Variants in SPIDR observed in about 807,000 individuals in gnomAD.
The protein encoded by SPIDR is scaffold protein involved in DNA repair.
In SPIDR, 93 loss-of-function variants were observed where a neutral mutation model predicts 104.6. That is an observed-to-expected ratio of 0.89 (90% CI 0.75 to 1.06). The LOEUF (loss-of-function observed/expected upper bound fraction) is 1.06. SPIDR is among the 50% of genes least tolerant of loss of function. The pLI, the probability that SPIDR is intolerant of heterozygous loss-of-function variation, is 0.00. For synonymous variants in SPIDR, 431 were observed against 416.9 expected, an observed-to-expected ratio of 1.03 and a Z score of -0.41; for missense variants, 1,154 against 1,111.2, an observed-to-expected ratio of 1.04 and a Z score of -0.55.
intron 5 of SPIDR, among the ~76,000 whole-genome samples, chr8:47,394,326 A>C (rs1224995875): frequency 6.6e-6 from 1 of 152,052 alleles, no homozygotes; most frequent in Non-Finnish European, 1.5e-5. Flanking sequence ...GTGTTTCATA[A>C]CTATCTGGGT....
At chr8:47,658,656 C>A (rs2073419519) in intron 10 of SPIDR, among the ~76,000 whole-genome samples, 1 of 151,730 alleles carries the variant, frequency 6.6e-6, no homozygotes, top group Non-Finnish European at 1.5e-5. Flanking sequence ...CTTTCTCGGC[C>A]AGACTTGGTG....
intron 10 of SPIDR, among the ~76,000 whole-genome samples, chr8:47,651,750 A>C (rs1047642934): frequency 2.0e-5 from 3 of 152,170 alleles, no homozygotes; most frequent in African/African-American, 7.2e-5. Context: ...CACTATACAC[A>C]CCATGGAATA....
At chr8:47,579,587 G>A (rs1014303420) in intron 8 of SPIDR, among the ~76,000 whole-genome samples, 5 of 152,168 alleles carry the variant, frequency 3.3e-5, no homozygotes, top group Non-Finnish European at 7.4e-5. Flanking sequence ...AATGTAGAAG[G>A]TGGCTTTCAA....
intron 8 of SPIDR, among the ~76,000 whole-genome samples, chr8:47,481,443 C>G (rs2076892898): frequency 6.6e-6 from 1 of 152,224 alleles, no homozygotes; most frequent in East Asian, 1.9e-4. Context: ...TCGAGACCAG[C>G]CTGGCCAACA....
chr8:47,350,883 T>C (rs1391249855), intron 5 of SPIDR, among the ~76,000 whole-genome samples: 1 of 152,198 alleles, frequency 6.6e-6, no homozygotes, highest in Admixed American at 6.5e-5. Flanking sequence ...AAGTATTAAA[T>C]GGAAAATTCT....
intron 5 of SPIDR, among the ~76,000 whole-genome samples, chr8:47,354,083 C>T (rs1045967604): frequency 3.3e-5 from 5 of 152,062 alleles, no homozygotes; most frequent in Admixed American, 3.3e-4. Flanking sequence ...CTAACCATAC[C>T]AGATTAGAAT....
At chr8:47,506,176 C>T (rs963551589) in intron 8 of SPIDR, among the ~76,000 whole-genome samples, 6 of 152,300 alleles carry the variant, frequency 3.9e-5, no homozygotes, top group East Asian at 3.9e-4. Context: ...TTGGCTGCTT[C>T]CTACCCACCT....
chr8:47,438,482 A>T (rs976937551), intron 7 of SPIDR, among the ~76,000 whole-genome samples: 3 of 152,138 alleles, frequency 2.0e-5, no homozygotes, highest in Admixed American at 6.5e-5. Context: ...CTTCCACATT[A>T]TCCTGATTTC....
chr8:47,414,067 T>C (rs973005899), intron 7 of SPIDR, among the ~76,000 whole-genome samples: 9 of 152,240 alleles, frequency 5.9e-5, no homozygotes, highest in African/African-American at 1.7e-4. Context: ...ACAGCACTAA[T>C]TGGTGAAGCA....
At chr8:47,572,401 T>C (rs2058624985) in intron 8 of SPIDR, among the ~76,000 whole-genome samples, 1 of 152,132 alleles carries the variant, frequency 6.6e-6, no homozygotes, top group East Asian at 1.9e-4. Flanking sequence ...CGGTGGCTCA[T>C]GCCTGTAATC....
At chr8:47,673,991 T>G in intron 11 of SPIDR, 50 bp downstream of exon 11, 2 of 1,582,170 alleles carry the variant, frequency 1.3e-6, no homozygotes, top group South Asian at 1.2e-5. Flanking sequence ...GTTGGTTCTT[T>G]TTCTTAGTCT....
chr8:47,503,273 A>T (rs1351299621), intron 8 of SPIDR, among the ~76,000 whole-genome samples: 5 of 152,164 alleles, frequency 3.3e-5, no homozygotes, highest in Non-Finnish European at 1.5e-5. Flanking sequence ...TGGGAGTCTA[A>T]GTCTCTCTGT....
At chr8:47,734,683 T>A (rs1362243558) in intron 19 of SPIDR, among the ~76,000 whole-genome samples, 1 of 152,140 alleles carries the variant, frequency 6.6e-6, no homozygotes, top group African/African-American at 2.4e-5. Context: ...TTCTGCAGCT[T>A]GATCTATAAT....
At chr8:47,582,452 T>C (rs1375638427) in intron 8 of SPIDR, among the ~76,000 whole-genome samples, 1 of 152,198 alleles carries the variant, frequency 6.6e-6, no homozygotes, top group East Asian at 1.9e-4. Context: ...TTGACAGTGC[T>C]GATAGTGATA....
chr8:47,316,656 A>G (rs2045406588), intron 5 of SPIDR, among the ~76,000 whole-genome samples: 1 of 152,216 alleles, frequency 6.6e-6, no homozygotes. Flanking sequence ...CAAAATTGAT[A>G]CATAATGGAA....
At chr8:47,513,955 G>A (rs1468281475) in intron 8 of SPIDR, among the ~76,000 whole-genome samples, 1 of 152,168 alleles carries the variant, frequency 6.6e-6, no homozygotes, top group Admixed American at 6.5e-5. Context: ...GGTGAACCAT[G>A]TGCCTTCTTG....
At chr8:47,359,309 A>C (rs2154288146) in intron 5 of SPIDR, among the ~76,000 whole-genome samples, 1 of 151,780 alleles carries the variant, frequency 6.6e-6, no homozygotes, top group South Asian at 2.1e-4. Context: ...GTTTTATAAT[A>C]TCCACCTTGG....
chr8:47,567,065 T>C (rs1420338528), intron 8 of SPIDR, among the ~76,000 whole-genome samples: 1 of 152,134 alleles, frequency 6.6e-6, no homozygotes, highest in Non-Finnish European at 1.5e-5. Flanking sequence ...GTTGGAAGAT[T>C]TTAAATATGC....
At chr8:47,596,137 T>C (rs1189946893) in intron 9 of SPIDR, 131 bp downstream of exon 9, 1 of 716,754 alleles carries the variant, frequency 1.4e-6, no homozygotes. Context: ...GGATGTATGC[T>C]GCATGAACTT....
Sources: gnomAD v4.1 joint callset for allele counts (sites outside exome capture counted in the v4.1 genomes callset) on GRCh38, gnomAD v4.1.1 for gene constraint, MANE v1.5 for transcripts, NCBI Gene and HGNC (gene_info 2026-07-23, HGNC 2026-07-21) for gene names.